The following C3orf22 variants were observed in gnomAD, a reference collection of about 807,000 sequenced individuals.
C3orf22 encodes chromosome 3 open reading frame 22.
A neutral mutation model predicts 10.8 loss-of-function variants in C3orf22; 7 were observed. That is an observed-to-expected ratio of 0.65 (90% CI 0.37 to 1.22). The LOEUF is 1.22. C3orf22 is among the 50% of genes most tolerant of loss of function. The pLI, the probability that C3orf22 is intolerant of heterozygous loss-of-function variation, is 0.02. For synonymous variants in C3orf22, 79 were observed against 78.9 expected (o/e 1.00, Z 0.00); for missense variants, 173 against 177.0 (o/e 0.98, Z 0.13).
intron 4 of C3orf22, among the ~76,000 whole-genome samples, chr3:126,537,958 G>T (rs2107569744): frequency 6.6e-6 from 1 of 152,300 alleles, no homozygotes; most frequent in South Asian, 2.1e-4. Context: ...CACACTGTGG[G>T]GGTGAGGACA....
In C3orf22 at chr3:126,541,929, C is replaced by T. The variant is rs143024190; in HGVS notation, c.286+7608G>A. 1.5e-3 allele frequency: 2,362 copies of T among 1,594,264 alleles called. 25 individuals are homozygous for T. The African/African-American group carries it at 0.029, about 19-fold the overall frequency. On this transcript the variant is annotated intron_variant and NMD_transcript_variant, in intron 4 of 5. Transcript: ENST00000505070. The stretch of plus-strand genomic sequence containing the variant: ...ACCAACTGGAAGCGCGTGCTGCTGG[C>T]GCTGAGCGGCCAAGCCCGCGGCGAC...
At chr3:126,549,190 T>A (rs6803847), downstream of C3orf22, among the ~76,000 whole-genome samples, 2 of 151,450 alleles carry the variant, frequency 1.3e-5, no homozygotes, top group African/African-American at 4.9e-5. Flanking sequence ...CTCTCGGTCC[T>A]GTCCCCAGGT....
At chr3:126,553,108 C>T (rs142262210) in intron 2 of C3orf22, among the ~76,000 whole-genome samples, 194 bp downstream of exon 2, 2,248 of 152,302 alleles carry the variant, frequency 0.015, 44 homozygotes, top group African/African-American at 0.049. Flanking sequence ...CACCCAGAGG[C>T]CCCTCGGCTT....
intron 4 of C3orf22, among the ~76,000 whole-genome samples, chr3:126,535,531 C>T (rs544879972): frequency 6.6e-5 from 8 of 121,476 alleles, no homozygotes; most frequent in Non-Finnish European, 1.2e-4. Flanking sequence ...GGGAGACACA[C>T]AGACAGCATC....
intron 3 of C3orf22, among the ~76,000 whole-genome samples, chr3:126,551,120 T>C (rs1006597770): frequency 1.3e-5 from 2 of 152,216 alleles, no homozygotes; most frequent in Non-Finnish European, 2.9e-5. Flanking sequence ...TCTTTGTGTG[T>C]GTGTGTGTGT....
At chr3:126,533,565 G>A (rs185693267) in intron 4 of C3orf22, among the ~76,000 whole-genome samples, 2 of 152,232 alleles carry the variant, frequency 1.3e-5, no homozygotes, top group Admixed American at 6.5e-5. Flanking sequence ...GCATTCCTGG[G>A]ATCCATCCTA....
chr3:126,548,142 A>G (rs7610630), downstream of C3orf22, among the ~76,000 whole-genome samples: 152,063 of 152,358 alleles, frequency 1, 75,886 homozygotes, highest in Middle Eastern at 1. Context: ...TCACAGGCGT[A>G]TGCCACCATG....
In C3orf22 at chr3:126,553,286, T is replaced by C; in HGVS notation, c.89+16A>G. The C allele has an allele frequency of 1.3e-6, 2 of 1,576,392 alleles. No individual in the cohort carries two copies. Among genetic ancestry groups the C allele is most frequent in the Non-Finnish European group, 1.7e-6 (2 of 1,145,660 alleles). ...GGGAGGCAGGGCTTGTCTCCAGAGGTGTCAGCCTCCCGCACCTGTACGGAA... is the reference window on the plus strand; with the variant it reads ...GGGAGGCAGGGCTTGTCTCCAGAGGCGTCAGCCTCCCGCACCTGTACGGAA... On this transcript the variant is annotated intron_variant, in intron 2 of 3. Coordinates refer to ENST00000318225, the MANE Select transcript of C3orf22 (RefSeq NM_152533.3).
intron 4 of C3orf22, chr3:126,541,811 C>A: frequency 6.4e-7 from 1 of 1,558,080 alleles, no homozygotes; most frequent in African/African-American, 1.4e-5. Flanking sequence ...CCACTCACGC[C>A]GGCAGCGCCT....
At chr3:126,528,704 C>A (rs1936585226) in intron 5 of C3orf22, among the ~76,000 whole-genome samples, 2 of 152,114 alleles carry the variant, frequency 1.3e-5, no homozygotes, top group South Asian at 2.1e-4. Context: ...GGGATCTGGG[C>A]AGACTGGGGT....
rs112901554 is a variant in C3orf22 at position 126,553,307 on chromosome 3, C to A, written c.84G>T (p.Pro28=). Reference sequence around the variant, plus strand: ...GAGGTGTCAGCCTCCCGCACCTGTACGGAAACTTCTTGGCAAAATTCTCCT... The same window carrying A: ...GAGGTGTCAGCCTCCCGCACCTGTAAGGAAACTTCTTGGCAAAATTCTCCT... ...QAQENFAKKF[P]YRLSWLTEPD... Residue 28 remains proline, a synonymous_variant, in exon 2 of 4, where the codon CCG becomes CCT. Coordinates refer to ENST00000318225, the MANE Select transcript of C3orf22 (RefSeq NM_152533.3). 3 of 1,613,008 alleles carry A rather than the reference C, an allele frequency of 1.9e-6. No homozygotes were observed. Among genetic ancestry groups the A allele is most frequent in the Middle Eastern group, 1.7e-4 (1 of 6,060 alleles).
downstream of C3orf22, among the ~76,000 whole-genome samples, chr3:126,546,489 A>G (rs922522008): frequency 6.6e-6 from 1 of 152,106 alleles, no homozygotes; most frequent in African/African-American, 2.4e-5. Context: ...AGATGAGGTC[A>G]TGAGGATGCG....
intron 1 of C3orf22, among the ~76,000 whole-genome samples, chr3:126,557,490 G>C (rs750444709): frequency 9.2e-5 from 14 of 152,202 alleles, no homozygotes; most frequent in Non-Finnish European, 1.9e-4. Context: ...GTGCCATGCT[G>C]CTCATCCATC....
chr3:126,529,379 A>G (rs1936602498), intron 4 of C3orf22: 2 of 1,289,142 alleles, frequency 1.6e-6, no homozygotes, highest in South Asian at 2.5e-5. Context: ...TTGCCTACGG[A>G]TGCCGCAAGG....
intron 4 of C3orf22, chr3:126,542,127 A>G (rs1377509154): frequency 1.3e-6 from 2 of 1,569,762 alleles, no homozygotes; most frequent in Non-Finnish European, 1.7e-6. Flanking sequence ...GCGCGCCCCT[A>G]CAGCGCCGCC....
chr3:126,538,187 G>A (rs1936839064), intron 4 of C3orf22, among the ~76,000 whole-genome samples: 1 of 152,230 alleles, frequency 6.6e-6, no homozygotes, highest in East Asian at 1.9e-4. Context: ...GAGAGTTAGT[G>A]CCCATTCCTG....
intron 4 of C3orf22, among the ~76,000 whole-genome samples, chr3:126,532,877 T>C (rs1936686297): frequency 6.6e-6 from 1 of 152,208 alleles, no homozygotes; most frequent in Non-Finnish European, 1.5e-5. Flanking sequence ...CTTCACAACA[T>C]TAAGTATTCC....
chr3:126,537,289 G>A lies in C3orf22; in HGVS notation c.287-7917C>T, dbSNP rs148842981. On this transcript the variant is annotated intron_variant and NMD_transcript_variant, in intron 4 of 5. Transcript: ENST00000505070. The stretch of plus-strand genomic sequence containing the variant: ...GAAACAGCTGTGCCAAAGGCCTGGC[G>A]GGGAGTGGAGGACAGGAGAGGGAGC... Among the ~76,000 whole-genome samples the A allele has an allele frequency of 9.2e-5, 14 of 152,340 alleles. No individual in the cohort carries two copies. The East Asian group carries it at 1.7e-3, about 19-fold the overall frequency.
chr3:126,542,716 C>CA (rs1228079479), intron 4 of C3orf22: 7 of 1,277,776 alleles, frequency 5.5e-6, no homozygotes, highest in Non-Finnish European at 7.0e-6. Context: ...CCAGCGGGCG[C>CA]AGGGCACACC....
Sources: allele counts gnomAD v4.1 joint callset (sites outside exome capture counted in the v4.1 genomes callset), GRCh38; gene constraint gnomAD v4.1.1; transcripts MANE v1.5; gene names NCBI Gene and HGNC (gene_info 2026-07-23, HGNC 2026-07-21).